The following HCFC2 variants were observed in gnomAD, a reference collection of about 807,000 sequenced individuals.
HCFC2 encodes host cell factor C2.
HCFC2 carries 18 observed loss-of-function variants against 89.2 expected under a neutral mutation model. That is an observed-to-expected ratio of 0.20 (90% CI 0.14 to 0.30). The LOEUF (loss-of-function observed/expected upper bound fraction) is 0.30, where lower values mean the gene tolerates loss of function less well. HCFC2 is among the 10% of genes least tolerant of loss of function. The pLI is 1.00. For synonymous variants in HCFC2, 308 were observed against 335.7 expected, an observed-to-expected ratio of 0.92 and a Z score of 0.90; for missense variants, 578 against 956.1, an observed-to-expected ratio of 0.60 and a Z score of 5.21.
At chr12:104,098,660 T>C (rs981943237) in intron 13 of HCFC2, among the ~76,000 whole-genome samples, 180 bp downstream of exon 13, 11 of 152,176 alleles carry the variant, frequency 7.2e-5, no homozygotes, top group Non-Finnish European at 8.8e-5. Context: ...TAATTGAGAA[T>C]TCTGTATACC....
Position 104,099,756 on chromosome 12 carries a change from C to T in HCFC2, c.1878+1276C>T, listed in dbSNP as rs368924449. The stretch of plus-strand genomic sequence containing the variant: ...TCTGAGCTCACTGCAGCCTCAACCT[C>T]CTGGGCTTAAGTTATCCTCACACCT... On this transcript the variant is annotated intron_variant, in intron 13 of 14. Coordinates refer to ENST00000229330, the MANE Select transcript of HCFC2 (RefSeq NM_013320.3). Among the ~76,000 whole-genome samples the T allele has an allele frequency of 3.9e-5, 6 of 152,294 alleles. No individual in the cohort carries two copies. In the South Asian group the frequency reaches 1.2e-3, roughly 32 times the overall value.
At position 104,086,857 on chromosome 12, in the gene HCFC2, G is replaced by A. The variant is rs149047078; in HGVS notation, c.1074G>A (p.Pro358=). 9.2e-4 allele frequency: 1,481 copies of A among 1,613,216 alleles called. 9 individuals are homozygous for A. The African/African-American group carries it at 0.013, about 15-fold the overall frequency. ...ATGATTGTTCTATAGAGAAACCACC[G>A]GCACCATCTCAAGTACAGCTGATCA... The part of the protein sequence containing the change: ...DLWYLDTEKP[P]APSQVQLIKA... The change falls in exon 8 of 15, where the codon CCG becomes CCA. Residue 358 remains proline, a synonymous_variant. Coordinates refer to ENST00000229330, the MANE Select transcript of HCFC2 (RefSeq NM_013320.3).
chr12:104,091,999 A>T (rs1228264816), intron 9 of HCFC2, among the ~76,000 whole-genome samples: 3 of 152,230 alleles, frequency 2.0e-5, no homozygotes, highest in Non-Finnish European at 4.4e-5. Flanking sequence ...CCTCAGAGCT[A>T]TGAGAAATTA....
Position 104,095,657 on chromosome 12 carries a change from T to C in HCFC2, c.1666+94T>C. On this transcript the variant is annotated intron_variant, in intron 11 of 14. Coordinates refer to ENST00000229330, the MANE Select transcript of HCFC2 (RefSeq NM_013320.3). The surrounding 1 kb of genome is among the most constrained non-coding windows in gnomAD (Gnocchi z 4.2). Reference sequence around the variant, plus strand: ...CTTAGATGGGAGTTGCATTTCATCTTGGAATTTTGTTATTAGTCATTTTAA... The same window carrying C: ...CTTAGATGGGAGTTGCATTTCATCTCGGAATTTTGTTATTAGTCATTTTAA... 1 of 935,650 alleles carries C rather than the reference T, an allele frequency of 1.1e-6. No individual in the cohort carries two copies. Among genetic ancestry groups the C allele is most frequent in the Non-Finnish European group, 1.6e-6 (1 of 626,236 alleles). 58.0% of individuals were successfully genotyped at this position (935,650 alleles called of 1,614,324 possible). A position where few individuals can be genotyped will look rare whatever the true frequency, so the allele number is the denominator to read the frequency against.
At chr12:104,093,316 C>T in intron 9 of HCFC2, 70 bp from the exon 10 acceptor site, 2 of 1,040,662 alleles carry the variant, frequency 1.9e-6, no homozygotes, top group South Asian at 2.2e-5. Flanking sequence ...ACTTATTTTG[C>T]TTGTTTTTTA....
At chr12:104,093,268 A>T in intron 9 of HCFC2, 118 bp from the exon 10 acceptor site, 1 of 592,374 alleles carries the variant, frequency 1.7e-6, no homozygotes, top group Non-Finnish European at 2.8e-6. Context: ...TGTAATTTTT[A>T]GGTGTTTTCT....
In HCFC2 at chr12:104,105,180, G is replaced by GTGTATATGTATAATATA. The variant is rs2030053328; in HGVS notation, c.*1913_*1914insTGTATAATATATGTATA. 6.6e-6 allele frequency: 1 copy of GTGTATATGTATAATATA among 151,548 alleles called. No homozygotes were observed. Among genetic ancestry groups the GTGTATATGTATAATATA allele is most frequent in the South Asian group, 2.1e-4 (1 of 4,786 alleles). The allele number at this position is 151,548 out of a possible 1,614,324, so 9.4% of individuals were successfully genotyped here. ...AAATATTAGGGTTTGTTGTGTATAT[G>GTGTATATGTATAATATA]TGTATACTTAATTATAAAAGAATAT... On this transcript the variant is annotated 3_prime_UTR_variant, in exon 15 of 15. Transcript: ENST00000229330.
chr12:104,066,753 A>G (rs963274946), intron 2 of HCFC2, among the ~76,000 whole-genome samples: 97 of 152,290 alleles, frequency 6.4e-4, no homozygotes, highest in African/African-American at 2.3e-3. Flanking sequence ...GGCCATGAGC[A>G]TTTGCATTTC....
Position 104,079,445 on chromosome 12 carries a change from A to G in HCFC2, c.474A>G (p.Arg158=). ...TTTAATTTTTTCTATGATATCCTAG[A>G]TATTTAAATGATTTTTATGAGTTGG... ...ESEDSNNNVP[R]YLNDFYELEL... Residue 158 remains arginine, a splice_region_variant and synonymous_variant, in exon 4 of 15, where the codon AGA becomes AGG. Transcript: ENST00000229330. The G allele has an allele frequency of 1.2e-6, 2 of 1,607,506 alleles. No individual in the cohort carries two copies. The highest frequency in any genetic ancestry group is 2.2e-5 in the East Asian group (1 of 44,858).
At chr12:104,072,648 CTT>C (rs1221434181) in intron 3 of HCFC2, among the ~76,000 whole-genome samples, 3 of 143,628 alleles carry the variant, frequency 2.1e-5, no homozygotes. Flanking sequence ...CATTTGGTTT[CTT>C]TTTTTTTTTT....
Position 104,064,907 on chromosome 12 carries a change from G to A in HCFC2, c.163+184G>A. The A allele has an allele frequency of 2.2e-6, 1 of 458,858 alleles. No individual in the cohort carries two copies. Among genetic ancestry groups the A allele is most frequent in the South Asian group, 5.3e-5 (1 of 18,700 alleles). 28.4% of individuals were successfully genotyped at this position (458,858 alleles called of 1,614,324 possible). A position where few individuals can be genotyped will look rare whatever the true frequency, so the allele number is the denominator to read the frequency against. ...CAGCTCTGTCCCGGACCGCAGCTCA[G>A]GATCTCCGGGGCCCTTGGGGCGCAA... is the stretch of plus-strand genomic sequence containing the variant. On this transcript the variant is annotated intron_variant, in intron 1 of 14. Coordinates refer to ENST00000229330, the MANE Select transcript of HCFC2 (RefSeq NM_013320.3). The surrounding 1 kb of genome is among the most constrained non-coding windows in gnomAD (Gnocchi z 7.3).
chr12:104,092,260 G>A lies in HCFC2; in HGVS notation c.1285-1126G>A, dbSNP rs188665280. Among the ~76,000 whole-genome samples the A allele has an allele frequency of 9.2e-5, 14 of 152,238 alleles. No homozygotes were observed. In the East Asian group the frequency reaches 2.7e-3, roughly 29 times the overall value. On this transcript the variant is annotated intron_variant, in intron 9 of 14. Coordinates refer to ENST00000229330, the MANE Select transcript of HCFC2 (RefSeq NM_013320.3). ...AGGTGGTAGATCCTTCAGCTCAGGA[G>A]TTCAAGACCAGCCTTGACAACATGG...
At position 104,082,920 on chromosome 12, in the gene HCFC2, C is replaced by G; in HGVS notation, c.1063+19C>G. Reference sequence around the variant, plus strand: ...GATACTGGTAGGTAAGAATATTTAACAAATAAACTTTTTCCTTTAGGTAAG... The same window carrying G: ...GATACTGGTAGGTAAGAATATTTAAGAAATAAACTTTTTCCTTTAGGTAAG... On this transcript the variant is annotated intron_variant, in intron 7 of 14. Transcript: ENST00000229330. The G allele has an allele frequency of 6.4e-7, 1 of 1,561,788 alleles. No homozygotes were observed.
In HCFC2 at chr12:104,067,933, C is replaced by T. The variant is rs1593588496; in HGVS notation, c.313-14C>T. The T allele has an allele frequency of 5.9e-6, 7 of 1,185,070 alleles. No homozygotes were observed. The highest frequency in any genetic ancestry group is 3.0e-5 in the East Asian group (1 of 33,818). 73.4% of individuals were successfully genotyped at this position (1,185,070 alleles called of 1,614,324 possible). On this transcript the variant is annotated splice_polypyrimidine_tract_variant and intron_variant, in intron 2 of 14. Transcript: ENST00000229330. ...GATTTTGTCTGACTGTATTTGTGCC[C>T]TTTTTTTTTTTAGGCAAGTCGTTGG...
intron 11 of HCFC2, among the ~76,000 whole-genome samples, chr12:104,096,074 A>C (rs1884167304): frequency 6.6e-6 from 1 of 152,092 alleles, no homozygotes; most frequent in South Asian, 2.1e-4. Flanking sequence ...ATTGTATTGC[A>C]TCTTTAGTGA....
At position 104,066,389 on chromosome 12, in the gene HCFC2, A is replaced by G. The variant is rs184741725; in HGVS notation, c.312+74A>G. On this transcript the variant is annotated intron_variant, in intron 2 of 14. Coordinates refer to ENST00000229330, the MANE Select transcript of HCFC2 (RefSeq NM_013320.3). ...GTTCATAATTTTTCAAAAGATTGCAACATTACTAACATTGTTTAACACATT... is the reference window on the plus strand; with the variant it reads ...GTTCATAATTTTTCAAAAGATTGCAGCATTACTAACATTGTTTAACACATT... 440 of 1,038,332 alleles carry G rather than the reference A, an allele frequency of 4.2e-4. 3 individuals are homozygous for G. The African/African-American group carries it at 6.7e-3, about 16-fold the overall frequency. The allele number at this position is 1,038,332 out of a possible 1,614,324, so 64.3% of individuals were successfully genotyped here.
In HCFC2 at chr12:104,064,985, C is replaced by G; in HGVS notation, c.163+262C>G. 2.8e-6 allele frequency: 1 copy of G among 363,204 alleles called. No individual in the cohort carries two copies. Among genetic ancestry groups the G allele is most frequent in the Non-Finnish European group, 4.9e-6 (1 of 203,926 alleles). The allele number at this position is 363,204 out of a possible 1,614,324, so 22.5% of individuals were successfully genotyped here. A position where few individuals can be genotyped will look rare whatever the true frequency, so the allele number is the denominator to read the frequency against. ...TCAGGCGGGGGATCCCGGACGCCCC[C>G]ACCCCAGCCCGACAGGCGGACGCAG... On this transcript the variant is annotated intron_variant, in intron 1 of 14. Transcript: ENST00000229330. This position sits in a 1 kb window ranked among gnomAD's most constrained non-coding sequence, Gnocchi z 7.3.
intron 4 of HCFC2, among the ~76,000 whole-genome samples, chr12:104,079,935 T>A (rs183047769): frequency 3.9e-5 from 6 of 152,338 alleles, no homozygotes; most frequent in African/African-American, 1.2e-4. Context: ...TCTTGTGTAA[T>A]TATCAATAGT....
chr12:104,101,409 C>T (rs962668346), intron 13 of HCFC2, among the ~76,000 whole-genome samples: 4 of 151,210 alleles, frequency 2.6e-5, no homozygotes, highest in Admixed American at 6.6e-5. Flanking sequence ...CGCTTGAACC[C>T]GGGAAGCGGA....
Sources: allele counts gnomAD v4.1 joint callset (sites outside exome capture counted in the v4.1 genomes callset), GRCh38; gene constraint gnomAD v4.1.1; non-coding constraint Gnocchi (gnomAD v3.1); transcripts MANE v1.5; gene names NCBI Gene and HGNC (gene_info 2026-07-23, HGNC 2026-07-21).